KHDRBS2: variants seen among roughly 807,000 people sequenced by gnomAD.
KHDRBS2 encodes KH RNA binding domain containing, signal transduction associated 2.
In KHDRBS2, 26 loss-of-function variants were observed where a neutral mutation model predicts 44.3. The ratio of observed to expected loss-of-function variants is 0.59; its 90% CI spans 0.43 to 0.81. The LOEUF (loss-of-function observed/expected upper bound fraction) is 0.81. Ranked by LOEUF, KHDRBS2 falls within the 40% of genes least tolerant of loss-of-function variation. The pLI, the probability that KHDRBS2 is intolerant of heterozygous loss-of-function variation, is 0.00. For synonymous variants in KHDRBS2, 194 were observed against 151.1 expected (o/e 1.28, Z -2.08); for missense variants, 476 against 433.1 (o/e 1.10, Z -0.88).
chr6:62,020,130 A>G (rs1277946130), intron 3 of KHDRBS2, among the ~76,000 whole-genome samples: 1 of 152,016 alleles, frequency 6.6e-6, no homozygotes, highest in Non-Finnish European at 1.5e-5. Flanking sequence ...ATATTCATTC[A>G]GTTAAAAATA....
the KHDRBS2 span, among the ~76,000 whole-genome samples, chr6:61,619,103 A>G: frequency 2.0e-5 from 3 of 152,068 alleles, no homozygotes; most frequent in South Asian, 6.2e-4. Context: ...AATTGAATAT[A>G]AAAAAAGTTT....
chr6:61,613,270 C>CAGG, the KHDRBS2 span, among the ~76,000 whole-genome samples: 1 of 152,172 alleles, frequency 6.6e-6, no homozygotes, highest in Admixed American at 6.5e-5. Context: ...ACTTCTGCTC[C>CAGG]TAAAATGGTA....
At position 61,894,806 on chromosome 6, in the gene KHDRBS2, G is replaced by A. The variant is rs754226249; in HGVS notation, c.639C>T (p.Pro213=). 1 of 1,612,282 alleles carries A rather than the reference G, an allele frequency of 6.2e-7. No individual in the cohort carries two copies. The highest frequency in any genetic ancestry group is 1.1e-5 in the South Asian group (1 of 90,722). The part of the protein sequence containing the change: ...SRGRGGAIPP[P]PPPGRGVLTP... ...TGAGAACACCTCGTCCAGGTGGTGG[G>A]GGAGGAGGAATGGCACCCCCACGGC... Residue 213 remains proline, a synonymous_variant, in exon 6 of 9, where the codon CCC becomes CCT. Transcript: ENST00000281156.
chr6:61,894,738 G>A lies in KHDRBS2; in HGVS notation c.707C>T (p.Pro236Leu). The A allele has an allele frequency of 1.2e-6, 2 of 1,613,628 alleles. No individual in the cohort carries two copies. Among genetic ancestry groups the A allele is most frequent in the South Asian group, 1.1e-5 (1 of 91,012 alleles). The change falls in exon 6 of 9, where the codon CCA (proline) becomes CTA (leucine). Residue 236 changes from proline (P) to leucine (L), a missense_variant. By Grantham distance (98) the Pro-to-Leu change is moderately conservative. Coordinates refer to ENST00000281156, the MANE Select transcript of KHDRBS2 (RefSeq NM_152688.4). ...STVTRGALPV[P>L]PVARGVPTPR... is the part of the protein sequence containing the mutation. ...GGTAGGGACACCTCTTGCTACAGGT[G>A]GCACTGGAAGCGCTCCACGGGTTAC... is the stretch of plus-strand genomic sequence containing the variant.
chr6:61,654,804 C>T, the KHDRBS2 span, among the ~76,000 whole-genome samples: 6 of 151,500 alleles, frequency 4.0e-5, no homozygotes, highest in Admixed American at 1.3e-4. Flanking sequence ...GGATTACCTG[C>T]TGGGAACTGG....
chr6:61,742,184 T>A (rs941789547), intron 6 of KHDRBS2, among the ~76,000 whole-genome samples: 1 of 151,940 alleles, frequency 6.6e-6, no homozygotes, highest in African/African-American at 2.4e-5. Flanking sequence ...TGAATATAAT[T>A]AACAGGTCAG....
intron 6 of KHDRBS2, among the ~76,000 whole-genome samples, chr6:61,814,832 A>G (rs1453486917): frequency 1.3e-5 from 2 of 151,968 alleles, no homozygotes; most frequent in African/African-American, 2.4e-5. Flanking sequence ...CTATTTATAC[A>G]GTTGTTCCTC....
chr6:62,130,537 A>G (rs1056413891), intron 2 of KHDRBS2, among the ~76,000 whole-genome samples: 3 of 151,752 alleles, frequency 2.0e-5, no homozygotes, highest in African/African-American at 7.3e-5. Context: ...AATGGTATTT[A>G]TAAAGAAACT....
chr6:62,051,358 C>T (rs557488128), intron 2 of KHDRBS2, among the ~76,000 whole-genome samples: 6 of 151,922 alleles, frequency 3.9e-5, no homozygotes, highest in East Asian at 1.9e-4. Flanking sequence ...AGGTCTCATC[C>T]GTTTTGGGTT....
At chr6:62,277,382 C>T (rs1190627366) in intron 1 of KHDRBS2, among the ~76,000 whole-genome samples, 2 of 152,150 alleles carry the variant, frequency 1.3e-5, no homozygotes, top group South Asian at 4.1e-4. Flanking sequence ...TGCTCTGTCA[C>T]CCAAGCTGGA....
At chr6:62,145,607 G>A (rs1055218255) in intron 2 of KHDRBS2, among the ~76,000 whole-genome samples, 19 of 151,614 alleles carry the variant, frequency 1.3e-4, no homozygotes, top group African/African-American at 4.6e-4. Flanking sequence ...TTAGGAGTTG[G>A]AGTTCACCTT....
In KHDRBS2 at chr6:62,198,911, T is replaced by C. The variant is rs182631563; in HGVS notation, c.92-21599A>G. ...ACCATGATCAAGTGGGCTTCATCCCTGGGAAGCGAGGCTGGTTCAACACTC... is the reference window on the plus strand; with the variant it reads ...ACCATGATCAAGTGGGCTTCATCCCCGGGAAGCGAGGCTGGTTCAACACTC... On this transcript the variant is annotated intron_variant, in intron 1 of 8. Coordinates refer to ENST00000281156, the MANE Select transcript of KHDRBS2 (RefSeq NM_152688.4). Among the ~76,000 whole-genome samples, 269 of 152,248 alleles carry C rather than the reference T, an allele frequency of 1.8e-3. 7 individuals carry two copies. The South Asian group carries it at 0.051, about 29-fold the overall frequency.
At chr6:61,725,967 A>G (rs1159689736) in intron 7 of KHDRBS2, among the ~76,000 whole-genome samples, 1 of 152,168 alleles carries the variant, frequency 6.6e-6, no homozygotes, top group Non-Finnish European at 1.5e-5. Context: ...CATCATCCTG[A>G]TGCCAAAACC....
chr6:62,253,983 A>G (rs1836968728), intron 1 of KHDRBS2, among the ~76,000 whole-genome samples: 1 of 152,058 alleles, frequency 6.6e-6, no homozygotes, highest in East Asian at 1.9e-4. Flanking sequence ...AACACAAGCA[A>G]GAATCCTAAC....
At chr6:61,658,655 T>C in the KHDRBS2 span, among the ~76,000 whole-genome samples, 1 of 151,966 alleles carries the variant, frequency 6.6e-6, no homozygotes, top group Non-Finnish European at 1.5e-5. Context: ...TCCTGACATC[T>C]GTAGTTTTAA....
intron 7 of KHDRBS2, among the ~76,000 whole-genome samples, chr6:61,717,238 A>G (rs1221528631): frequency 6.6e-6 from 1 of 152,066 alleles, no homozygotes; most frequent in East Asian, 1.9e-4. Context: ...AAAATCGACA[A>G]ATACAATGTA....
chr6:61,898,615 C>T (rs1435528166), intron 5 of KHDRBS2, among the ~76,000 whole-genome samples: 1 of 151,876 alleles, frequency 6.6e-6, no homozygotes, highest in Admixed American at 6.6e-5. Context: ...ATGTGAAAAA[C>T]ATGAATCCTT....
intron 2 of KHDRBS2, among the ~76,000 whole-genome samples, chr6:62,112,969 C>G (rs1214412000): frequency 6.6e-6 from 1 of 152,062 alleles, no homozygotes; most frequent in Non-Finnish European, 1.5e-5. Context: ...ATCTTCTCAC[C>G]CACATACCTA....
chr6:61,723,121 C>G (rs767395847), intron 7 of KHDRBS2, among the ~76,000 whole-genome samples: 4 of 151,792 alleles, frequency 2.6e-5, no homozygotes, highest in Non-Finnish European at 5.9e-5. Flanking sequence ...CCAAGCAAAC[C>G]ACAGCAGGAC....
Sources: gnomAD v4.1 joint callset for allele counts (sites outside exome capture counted in the v4.1 genomes callset) on GRCh38, gnomAD v4.1.1 for gene constraint, MANE v1.5 for transcripts, NCBI Gene and HGNC (gene_info 2026-07-23, HGNC 2026-07-21) for gene names.